The following ANK2 variants were observed in gnomAD, a reference collection of about 807,000 sequenced individuals.
ANK2 encodes ankyrin-2.
ANK2 carries 83 observed loss-of-function variants against 360.5 expected under a neutral mutation model. The observed-to-expected ratio is 0.23, with a 90% CI of 0.19 to 0.28. The LOEUF (loss-of-function observed/expected upper bound fraction) is 0.28, where lower values mean the gene tolerates loss of function less well. Ranked by LOEUF, ANK2 falls within the 10% of genes least tolerant of loss-of-function variation. ANK2 has a pLI of 1.00. For synonymous variants in ANK2, 1,740 were observed against 1,759.5 expected (o/e 0.99, Z 0.28); for missense variants, 4,201 against 4,795.7 (o/e 0.88, Z 3.66).
At chr4:112,854,795 TG>T (rs1282880589) in intron 1 of ANK2, among the ~76,000 whole-genome samples, 13 of 151,830 alleles carry the variant, frequency 8.6e-5, no homozygotes, top group Non-Finnish European at 1.0e-4. Context: ...AGTCCAGAGG[TG>T]GGAGCTGGGG....
chr4:113,305,703 G>C (rs2076977352), intron 23 of ANK2, among the ~76,000 whole-genome samples: 1 of 152,178 alleles, frequency 6.6e-6, no homozygotes, highest in African/African-American at 2.4e-5. Context: ...GTTTTGTGAG[G>C]TTAATATGTT....
At chr4:113,146,047 A>G in intron 1 of ANK2, 2 of 1,288,360 alleles carry the variant, frequency 1.6e-6, no homozygotes, top group Non-Finnish European at 2.0e-6. Flanking sequence ...GGATGGTGGC[A>G]TAAGAATCAA....
chr4:113,231,499 G>C (rs1200164418), intron 4 of ANK2, among the ~76,000 whole-genome samples: 1 of 152,074 alleles, frequency 6.6e-6, no homozygotes, highest in African/African-American at 2.4e-5. Flanking sequence ...GATAAATGCA[G>C]AAGATATTAT....
chr4:112,876,727 T>A (rs2075237680), intron 1 of ANK2, among the ~76,000 whole-genome samples: 1 of 152,212 alleles, frequency 6.6e-6, no homozygotes. Context: ...TATCCTCATC[T>A]TGCAGCCAAA....
rs990025956 is a variant in ANK2, at chr4:113,323,845, C to A, written c.2900+5225C>A. On this transcript the variant is annotated intron_variant, in intron 26 of 45. Coordinates refer to ENST00000357077, the MANE Select transcript of ANK2 (RefSeq NM_001148.6). The stretch of plus-strand genomic sequence containing the variant: ...TGAACATGTTGCCTATTCCTCTCCC[C>A]CTTTCGCCATCTCCTTCTGCATATT... The A allele has an allele frequency of 6.4e-6, 10 of 1,553,930 alleles. No individual in the cohort carries two copies. The Admixed American group carries it at 1.5e-4, about 24-fold the overall frequency.
the ANK2 span, among the ~76,000 whole-genome samples, chr4:112,719,448 G>T: frequency 6.6e-6 from 1 of 151,978 alleles, no homozygotes; most frequent in African/African-American, 2.4e-5. Context: ...GTATAATTCG[G>T]CCGGGCACGG....
rs1344673358 is a variant in ANK2, at chr4:113,382,546, TG to T, written c.*1076del. The T allele has an allele frequency of 6.5e-6, 1 of 152,692 alleles. No individual in the cohort carries two copies. The highest frequency in any genetic ancestry group is 1.5e-5 in the Non-Finnish European group (1 of 68,054). The allele number at this position is 152,692 out of a possible 1,614,324, so 9.5% of individuals were successfully genotyped here. On this transcript the variant is annotated 3_prime_UTR_variant, in exon 46 of 46. Coordinates refer to ENST00000357077, the MANE Select transcript of ANK2 (RefSeq NM_001148.6). Reference sequence around the variant, plus strand: ...TACAGTGGTACTTTCTTCTGGCCACTGCACTGTAGATAATTCATTGGAAACA... The same window carrying T: ...TACAGTGGTACTTTCTTCTGGCCACTCACTGTAGATAATTCATTGGAAACA...
intron 1 of ANK2, among the ~76,000 whole-genome samples, chr4:112,868,974 T>C (rs1374231742): frequency 6.6e-6 from 1 of 152,178 alleles, no homozygotes; most frequent in African/African-American, 2.4e-5. Flanking sequence ...TTATTCTTTT[T>C]TTTTGAGACA....
intron 2 of ANK2, among the ~76,000 whole-genome samples, chr4:112,915,912 A>G (rs2089661180): frequency 6.6e-6 from 1 of 152,052 alleles, no homozygotes; most frequent in African/African-American, 2.4e-5. Flanking sequence ...TATACTCACT[A>G]TAACATTTGT....
chr4:113,078,959 A>G (rs1011920302), intron 1 of ANK2, among the ~76,000 whole-genome samples: 1 of 152,228 alleles, frequency 6.6e-6, no homozygotes, highest in Non-Finnish European at 1.5e-5. Flanking sequence ...AGTTGCAAAT[A>G]TGAAAAGTTG....
At chr4:113,339,848 T>C (rs920482666) in intron 32 of ANK2, among the ~76,000 whole-genome samples, 7 of 152,244 alleles carry the variant, frequency 4.6e-5, no homozygotes, top group African/African-American at 1.7e-4. Context: ...CCCATTCCTT[T>C]GATCTTTAAT....
chr4:112,999,932 A>G (rs887525068), intron 2 of ANK2, among the ~76,000 whole-genome samples: 1 of 152,156 alleles, frequency 6.6e-6, no homozygotes, highest in Non-Finnish European at 1.5e-5. Flanking sequence ...GAGGAAAAAA[A>G]CTTTTCCTCT....
At chr4:113,083,384 A>G (rs2083210690) in intron 1 of ANK2, among the ~76,000 whole-genome samples, 1 of 152,010 alleles carries the variant, frequency 6.6e-6, no homozygotes, top group Non-Finnish European at 1.5e-5. Flanking sequence ...GGGTCTTGCT[A>G]TGTTGGTCTC....
At chr4:112,706,459 A>G in the ANK2 span, among the ~76,000 whole-genome samples, 1 of 152,090 alleles carries the variant, frequency 6.6e-6, no homozygotes, top group African/African-American at 2.4e-5. Flanking sequence ...TTCCAAAACC[A>G]GACGTGTAAC....
intron 18 of ANK2, 90 bp from the exon 19 acceptor site, chr4:113,287,515 C>T: frequency 9.8e-7 from 1 of 1,017,528 alleles, no homozygotes; most frequent in South Asian, 1.3e-5. Flanking sequence ...AGGATATTTT[C>T]AATATTTTCA....
chr4:113,021,538 A>AC (rs58815314), intron 2 of ANK2, among the ~76,000 whole-genome samples: 22,816 of 80,820 alleles, frequency 0.28, 4,589 homozygotes, highest in East Asian at 0.42. Flanking sequence ...ACCCACACAC[A>AC]AACATATATA....
chr4:113,023,748 G>A (rs553253600), intron 2 of ANK2, among the ~76,000 whole-genome samples: 2 of 152,278 alleles, frequency 1.3e-5, no homozygotes, highest in African/African-American at 2.4e-5. Flanking sequence ...TTTGTTCATT[G>A]CAACATCTAC....
At chr4:112,851,810 G>A (rs1168305563) in intron 1 of ANK2, among the ~76,000 whole-genome samples, 2 of 152,074 alleles carry the variant, frequency 1.3e-5, no homozygotes, top group Admixed American at 1.3e-4. Flanking sequence ...TTTTAGTAGA[G>A]ACGAGGTTTC....
At chr4:112,992,107 A>C (rs888187285) in intron 2 of ANK2, among the ~76,000 whole-genome samples, 3 of 151,494 alleles carry the variant, frequency 2.0e-5, no homozygotes, top group Admixed American at 6.6e-5. Flanking sequence ...AAACTCCTTT[A>C]GCTTCTACCC....
Sources: allele counts gnomAD v4.1 joint callset (sites outside exome capture counted in the v4.1 genomes callset), GRCh38; gene constraint gnomAD v4.1.1; transcripts MANE v1.5; gene names NCBI Gene and HGNC (gene_info 2026-07-23, HGNC 2026-07-21).